ZFHX3: variants seen among roughly 807,000 people sequenced by gnomAD.
The protein encoded by ZFHX3 is zinc finger homeobox protein 3.
ZFHX3 carries 42 observed loss-of-function variants against 279.1 expected under a neutral mutation model. That is an observed-to-expected ratio of 0.15 (90% CI 0.12 to 0.19). ZFHX3 has a LOEUF of 0.19. Among genes scored for constraint, ZFHX3 ranks in the 10% least tolerant of loss-of-function variants. The pLI is 1.00. For missense variants in ZFHX3, 4,981 were observed against 4,754.0 expected (o/e 1.05, Z -1.40); for synonymous variants, 2,293 against 1,957.8 (o/e 1.17, Z -4.52).
At chr16:73,403,433 C>T (rs1312437597) in intron 3 of ZFHX3, among the ~76,000 whole-genome samples, 2 of 152,132 alleles carry the variant, frequency 1.3e-5, no homozygotes, top group Non-Finnish European at 2.9e-5. Flanking sequence ...TGCATCTGCA[C>T]GGGTGTGTGA....
chr16:73,525,056 T>A (rs983770492), intron 2 of ZFHX3, among the ~76,000 whole-genome samples: 3 of 151,950 alleles, frequency 2.0e-5, no homozygotes, highest in South Asian at 2.1e-4. Context: ...GGAAAAAAAA[T>A]TTTCCCTGCC....
intron 7 of ZFHX3, among the ~76,000 whole-genome samples, chr16:72,808,861 A>T (rs1451330987): frequency 6.6e-6 from 1 of 152,240 alleles, no homozygotes; most frequent in Non-Finnish European, 1.5e-5. Flanking sequence ...GAGGGTCAGT[A>T]ACAGTGGTTA....
chr16:73,584,311 T>C (rs1171093200), intron 2 of ZFHX3, among the ~76,000 whole-genome samples: 1 of 152,040 alleles, frequency 6.6e-6, no homozygotes, highest in Non-Finnish European at 1.5e-5. Context: ...GTAGAACAAA[T>C]AACAGTAAAT....
intron 5 of ZFHX3, among the ~76,000 whole-genome samples, chr16:73,251,612 G>T (rs779209505): frequency 5.9e-5 from 9 of 152,182 alleles, no homozygotes; most frequent in Non-Finnish European, 1.2e-4. Context: ...TTTCTGGAAG[G>T]CTGGATATTC....
At chr16:73,236,646 G>C (rs902153671) in intron 5 of ZFHX3, among the ~76,000 whole-genome samples, 2 of 151,956 alleles carry the variant, frequency 1.3e-5, no homozygotes, top group African/African-American at 4.8e-5. Flanking sequence ...CCTCCACAAA[G>C]GGTCATAACT....
At chr16:73,319,272 A>T (rs1736661980) in intron 3 of ZFHX3, among the ~76,000 whole-genome samples, 1 of 152,200 alleles carries the variant, frequency 6.6e-6, no homozygotes, top group Admixed American at 6.5e-5. Context: ...AAGGCCAAGC[A>T]ACGTTGATGA....
At chr16:73,599,166 C>T (rs577781838) in intron 2 of ZFHX3, among the ~76,000 whole-genome samples, 1 of 152,286 alleles carries the variant, frequency 6.6e-6, no homozygotes, top group Non-Finnish European at 1.5e-5. Flanking sequence ...AGGTAATACC[C>T]AGCTTCCTGG....
chr16:72,866,315 C>T (rs142400038), intron 4 of ZFHX3, among the ~76,000 whole-genome samples: 11 of 152,324 alleles, frequency 7.2e-5, no homozygotes, highest in African/African-American at 2.4e-4. Flanking sequence ...ACTTAACTGT[C>T]AAACAAAGAT....
intron 4 of ZFHX3, among the ~76,000 whole-genome samples, chr16:73,302,357 T>G (rs2015076128): frequency 1.3e-5 from 2 of 152,008 alleles, no homozygotes; most frequent in Non-Finnish European, 2.9e-5. Context: ...CAGAAACTTC[T>G]CTCAAGAGCA....
chr16:72,792,654 G>T (rs552773050), intron 9 of ZFHX3, among the ~76,000 whole-genome samples: 51 of 152,224 alleles, frequency 3.4e-4, no homozygotes, highest in Admixed American at 8.5e-4. Context: ...GTTTCACCAT[G>T]TTGGCCAGGC....
intron 2 of ZFHX3, among the ~76,000 whole-genome samples, chr16:73,638,743 A>G (rs1212550726): frequency 6.6e-6 from 1 of 152,168 alleles, no homozygotes; most frequent in Admixed American, 6.5e-5. Context: ...CTACATCCCT[A>G]TTACAAAGCA....
intron 2 of ZFHX3, among the ~76,000 whole-genome samples, chr16:73,575,641 G>C (rs1190703940): frequency 6.6e-6 from 1 of 152,098 alleles, no homozygotes; most frequent in African/African-American, 2.4e-5. Flanking sequence ...GATTTTCAGG[G>C]GGAGAAAATC....
At chr16:73,706,707 C>T (rs2053308287) in intron 1 of ZFHX3, among the ~76,000 whole-genome samples, 1 of 152,066 alleles carries the variant, frequency 6.6e-6, no homozygotes, top group Admixed American at 6.6e-5. Context: ...TGTGTCTTTG[C>T]CAAAGATGTT....
At chr16:72,826,571 C>A (rs2036934921) in intron 5 of ZFHX3, among the ~76,000 whole-genome samples, 1 of 152,166 alleles carries the variant, frequency 6.6e-6, no homozygotes, top group African/African-American at 2.4e-5. Context: ...TGTATCGATT[C>A]CAAGATCAAA....
intron 3 of ZFHX3, among the ~76,000 whole-genome samples, chr16:73,444,503 A>T (rs1421642672): frequency 1.3e-5 from 2 of 152,242 alleles, no homozygotes; most frequent in Non-Finnish European, 2.9e-5. Flanking sequence ...TAGTTCACAC[A>T]GCATAAATGG....
At chr16:73,410,371 G>A (rs528826308) in intron 3 of ZFHX3, among the ~76,000 whole-genome samples, 28 of 152,230 alleles carry the variant, frequency 1.8e-4, no homozygotes, top group African/African-American at 6.3e-4. Context: ...AGCCAAGATC[G>A]CACCATTGCA....
At chr16:73,531,160 A>G (rs1383482533) in intron 2 of ZFHX3, among the ~76,000 whole-genome samples, 1 of 152,154 alleles carries the variant, frequency 6.6e-6, no homozygotes, top group Non-Finnish European at 1.5e-5. Context: ...TGCCAGTCTA[A>G]TTGGTTTTGG....
chr16:73,106,917 T>C (rs533206097), intron 7 of ZFHX3, among the ~76,000 whole-genome samples: 29 of 152,296 alleles, frequency 1.9e-4, no homozygotes, highest in African/African-American at 4.3e-4. Context: ...TCTCAGACAT[T>C]ATTAAGTTTT....
In ZFHX3 at chr16:72,795,238, G is replaced by T. The variant is rs776247806; in HGVS notation, c.7444C>A (p.Gln2482Lys). 3.7e-6 allele frequency: 6 copies of T among 1,610,622 alleles called. No homozygotes were observed. Among genetic ancestry groups the T allele is most frequent in the Non-Finnish European group, 4.2e-6 (5 of 1,178,058 alleles). The change falls in exon 9 of 10, where the codon CAG (glutamine) becomes AAG (lysine). Residue 2482 changes from glutamine to lysine, a missense_variant. Gln to Lys is a moderately conservative substitution (Grantham distance 53). This residue lies in a region of ZFHX3 where 744 missense variants were observed against 701.3 expected (regional missense o/e 1.06). Coordinates refer to ENST00000268489, the MANE Select transcript of ZFHX3 (RefSeq NM_006885.4). ...PQLVSLPSLPQPPPQAPPPQC... is the reference protein window; with the variant it reads ...PQLVSLPSLPKPPPQAPPPQC... ...GGAGGGGGCGCTTGTGGAGGAGGCT[G>T]TGGCAACGAAGGCAGGGACACCAGC...
Sources: gnomAD v4.1 joint callset for allele counts (sites outside exome capture counted in the v4.1 genomes callset) on GRCh38, gnomAD v4.1.1 for gene constraint, gnomAD v4.1.1 regional missense constraint, MANE v1.5 for transcripts, NCBI Gene and HGNC (gene_info 2026-07-23, HGNC 2026-07-21) for gene names.